Variants in IL31RA observed in about 807,000 individuals in gnomAD.
The protein encoded by IL31RA is interleukin 31 receptor A.
A neutral mutation model predicts 83.7 loss-of-function variants in IL31RA; 66 were observed. That is an observed-to-expected ratio of 0.79 (90% CI 0.65 to 0.97). The LOEUF is 0.97. IL31RA is among the 50% of genes least tolerant of loss of function. The probability of loss-of-function intolerance (pLI) is 0.00; values close to 1 mark genes in which losing one functional copy is unlikely to be tolerated. For missense variants in IL31RA, 798 were observed against 919.4 expected, an observed-to-expected ratio of 0.87 and a Z score of 1.71; for synonymous variants, 325 against 329.0, an observed-to-expected ratio of 0.99 and a Z score of 0.13.
intron 4 of IL31RA, among the ~76,000 whole-genome samples, chr5:55,875,473 A>C (rs1386352271): frequency 6.6e-6 from 1 of 152,100 alleles, no homozygotes; most frequent in Non-Finnish European, 1.5e-5. Flanking sequence ...TCCTCAGTGA[A>C]GCCATCTGGG....
upstream of IL31RA, among the ~76,000 whole-genome samples, chr5:55,850,759 C>T (rs571890187): frequency 6.6e-6 from 1 of 152,174 alleles, no homozygotes; most frequent in African/African-American, 2.4e-5. Flanking sequence ...TTCATTATTC[C>T]TGGCAATTAT....
At chr5:55,905,940 A>G (rs1749121907) in intron 8 of IL31RA, among the ~76,000 whole-genome samples, 166 bp from the exon 9 acceptor site, 1 of 151,638 alleles carries the variant, frequency 6.6e-6, no homozygotes, top group African/African-American at 2.4e-5. Flanking sequence ...TGTAAGGAAA[A>G]AGGATGCAAT....
chr5:55,902,294 AG>A (rs1192299096), intron 8 of IL31RA: 2 of 152,166 alleles, frequency 1.3e-5, no homozygotes, highest in African/African-American at 4.8e-5. Context: ...GGCTCTTTAC[AG>A]AGAAACTTTA....
chr5:55,868,937 T>A, intron 3 of IL31RA, 29 bp downstream of exon 3: 1 of 1,191,246 alleles, frequency 8.4e-7, no homozygotes, highest in Non-Finnish European at 1.3e-6. Context: ...GTTTTATCAG[T>A]CAGGGCATGG....
intron 8 of IL31RA, among the ~76,000 whole-genome samples, chr5:55,901,353 G>A (rs1225370007): frequency 6.6e-6 from 1 of 152,062 alleles, no homozygotes; most frequent in Non-Finnish European, 1.5e-5. Flanking sequence ...ATGGGAGGTG[G>A]TAAAGAATAG....
intron 1 of IL31RA, among the ~76,000 whole-genome samples, chr5:55,852,603 C>A (rs1745129663): frequency 6.6e-6 from 1 of 152,194 alleles, no homozygotes; most frequent in South Asian, 2.1e-4. Context: ...AAATGTGGGG[C>A]TGGAAAGCAT....
rs1748947430 is a variant in IL31RA, at chr5:55,903,454, G to C, written c.1070-2652G>C. On this transcript the variant is annotated intron_variant, in intron 8 of 14. Transcript: ENST00000652347. This position sits in a 1 kb window ranked among gnomAD's most constrained non-coding sequence, Gnocchi z 4.7. ...GAAAGCTCTTGTTGAATGATGGAAG[G>C]ACCCGGCGATTCGTTTATATTGAGT... Among the ~76,000 whole-genome samples the C allele has an allele frequency of 1.3e-5, 2 of 152,228 alleles. No individual in the cohort carries two copies. Among genetic ancestry groups the C allele is most frequent in the South Asian group, 4.1e-4 (2 of 4,832 alleles).
upstream of IL31RA, among the ~76,000 whole-genome samples, chr5:55,849,137 G>A (rs1480231098): frequency 3.3e-5 from 5 of 151,598 alleles, no homozygotes; most frequent in South Asian, 2.1e-4. Context: ...GACTTACCAC[G>A]AATAACAGCA....
intron 14 of IL31RA, 42 bp downstream of exon 14, chr5:55,914,970 A>G: frequency 7.1e-7 from 1 of 1,410,932 alleles, no homozygotes; most frequent in Non-Finnish European, 1.0e-6. Context: ...TTGCCGTGGG[A>G]GGTAGACGAG....
At chr5:55,859,294 T>C (rs1460395365) in intron 1 of IL31RA, among the ~76,000 whole-genome samples, 1 of 152,202 alleles carries the variant, frequency 6.6e-6, no homozygotes, top group Non-Finnish European at 1.5e-5. Flanking sequence ...GAGTAGACGA[T>C]GGACGAAAGG....
chr5:55,859,004 C>T (rs951004943), intron 1 of IL31RA, among the ~76,000 whole-genome samples: 7 of 152,094 alleles, frequency 4.6e-5, no homozygotes, highest in African/African-American at 7.2e-5. Context: ...CATCTCCATG[C>T]GGGAATTCAG....
intron 3 of IL31RA, among the ~76,000 whole-genome samples, chr5:55,869,148 G>A (rs1312696897): frequency 6.6e-6 from 1 of 152,198 alleles, no homozygotes; most frequent in East Asian, 1.9e-4. Flanking sequence ...CCAGTTATAA[G>A]CACAGTGGAA....
intron 8 of IL31RA, chr5:55,902,459 C>CAAAAAAAAAAAAAAAAAAA (rs59506009): frequency 9.9e-6 from 1 of 100,742 alleles, no homozygotes; most frequent in Admixed American, 1.1e-4. Context: ...CTTGTTTCTA[C>CAAAAAAAAAAAAAAAAAAA]AAAAAAAAAA....
chr5:55,851,164 G>A (rs1432446042), upstream of IL31RA, among the ~76,000 whole-genome samples: 1 of 151,994 alleles, frequency 6.6e-6, no homozygotes, highest in Non-Finnish European at 1.5e-5. Context: ...AGAGTTAGGT[G>A]CCTGTGAGCC....
chr5:55,908,434 G>A (rs1184556034), intron 11 of IL31RA, 23 bp downstream of exon 11: 1 of 1,614,170 alleles, frequency 6.2e-7, no homozygotes, highest in Non-Finnish European at 8.5e-7. Flanking sequence ...ATAGCGAAGT[G>A]GAAAAAAACC....
At chr5:55,915,359 T>A (rs1042849987) in intron 14 of IL31RA, among the ~76,000 whole-genome samples, 4 of 152,206 alleles carry the variant, frequency 2.6e-5, no homozygotes, top group African/African-American at 9.6e-5. Context: ...GGCATGGCAG[T>A]CTGAGGCTGC....
intron 1 of IL31RA, chr5:55,853,649 G>A (rs1745192590): frequency 1.4e-6 from 2 of 1,421,256 alleles, no homozygotes; most frequent in South Asian, 1.3e-5. Flanking sequence ...TTTCTTCAGT[G>A]AAATTATGGG....
At chr5:55,915,292 G>T (rs1403284756) in intron 14 of IL31RA, among the ~76,000 whole-genome samples, 1 of 152,168 alleles carries the variant, frequency 6.6e-6, no homozygotes, top group Non-Finnish European at 1.5e-5. Flanking sequence ...CATTTACAAA[G>T]CAGCCAAGAG....
At chr5:55,897,502 G>A (rs1413970923) in intron 7 of IL31RA, among the ~76,000 whole-genome samples, 1 of 152,186 alleles carries the variant, frequency 6.6e-6, no homozygotes, top group Non-Finnish European at 1.5e-5. Flanking sequence ...TCTCAGAAGA[G>A]CTCTGATCAG....
Sources: allele counts gnomAD v4.1 joint callset (sites outside exome capture counted in the v4.1 genomes callset), GRCh38; gene constraint gnomAD v4.1.1; non-coding constraint Gnocchi (gnomAD v3.1); transcripts MANE v1.5; gene names NCBI Gene and HGNC (gene_info 2026-07-23, HGNC 2026-07-21).